The following PSMD1 variants were observed in gnomAD, a reference collection of about 807,000 sequenced individuals.
PSMD1 encodes the protein proteasome 26S subunit, non-ATPase 1.
A neutral mutation model predicts 119.0 loss-of-function variants in PSMD1; 18 were observed. The ratio of observed to expected loss-of-function variants is 0.15; its 90% CI spans 0.10 to 0.22. The LOEUF (loss-of-function observed/expected upper bound fraction) is 0.22, where lower values mean the gene tolerates loss of function less well. Among genes scored for constraint, PSMD1 ranks in the 10% least tolerant of loss-of-function variants. PSMD1 has a pLI of 1.00. For missense variants in PSMD1, 702 were observed against 1,158.5 expected (o/e 0.61, Z 5.72); for synonymous variants, 374 against 396.6 (o/e 0.94, Z 0.68).
rs1349824818 is a variant in PSMD1, at chr2:231,062,152, T to G, written c.61-96T>G. 3 of 758,176 alleles carry G rather than the reference T, an allele frequency of 4.0e-6. No individual in the cohort carries two copies. The African/African-American group carries it at 5.3e-5, about 13-fold the overall frequency. The allele number at this position is 758,176 out of a possible 1,614,324, so 47.0% of individuals were successfully genotyped here. A position where few individuals can be genotyped will look rare whatever the true frequency, so the allele number is the denominator to read the frequency against. On this transcript the variant is annotated intron_variant, in intron 2 of 24. Transcript: ENST00000308696. ...ATAGAGTAAAAGTTTGAGTAAATATTACTGAGGATTTGATCATTGATTTGC... is the reference window on the plus strand; with the variant it reads ...ATAGAGTAAAAGTTTGAGTAAATATGACTGAGGATTTGATCATTGATTTGC...
intron 18 of PSMD1, among the ~76,000 whole-genome samples, chr2:231,151,802 A>ATTT (rs1559251249): frequency 7.5e-6 from 1 of 133,126 alleles, no homozygotes; most frequent in Non-Finnish European, 1.6e-5. Context: ...CAAACATGAG[A>ATTT]ATTTTTTTTT....
chr2:231,088,666 G>A (rs1364696901), intron 16 of PSMD1, among the ~76,000 whole-genome samples: 1 of 152,134 alleles, frequency 6.6e-6, no homozygotes, highest in Non-Finnish European at 1.5e-5. Flanking sequence ...TCCACACACC[G>A]ATCATTCCTC....
At chr2:231,159,905 G>T (rs139757515) in intron 19 of PSMD1, among the ~76,000 whole-genome samples, 1 of 152,196 alleles carries the variant, frequency 6.6e-6, no homozygotes, top group Non-Finnish European at 1.5e-5. Context: ...GATCCCTCGC[G>T]TGCGCGGTTC....
intron 1 of PSMD1, 26 bp downstream of exon 1, chr2:231,057,067 TGGAG>T: frequency 6.0e-6 from 9 of 1,501,318 alleles, no homozygotes; most frequent in Non-Finnish European, 8.0e-6. Flanking sequence ...AGCCAGCGCC[TGGAG>T]GGAGGAGCCG....
At chr2:231,101,847 G>T (rs1694875427) in intron 16 of PSMD1, among the ~76,000 whole-genome samples, 1 of 152,158 alleles carries the variant, frequency 6.6e-6, no homozygotes, top group South Asian at 2.1e-4. Context: ...AATACAGAGG[G>T]TCTTCCTCTG....
chr2:231,108,751 T>G (rs376620755), intron 16 of PSMD1: 178 of 1,614,060 alleles, frequency 1.1e-4, no homozygotes, highest in Non-Finnish European at 1.5e-4. Flanking sequence ...GAGTTTTTAC[T>G]GACTTTGTGG....
chr2:231,069,572 T>C (rs1477333019), intron 5 of PSMD1, among the ~76,000 whole-genome samples: 1 of 152,202 alleles, frequency 6.6e-6, no homozygotes, highest in Non-Finnish European at 1.5e-5. Context: ...CAGTACTCAA[T>C]GCTTGAGTCA....
intron 19 of PSMD1, among the ~76,000 whole-genome samples, chr2:231,156,495 C>T (rs1324217213): frequency 1.3e-5 from 2 of 152,048 alleles, no homozygotes; most frequent in East Asian, 3.9e-4. Context: ...TGTGCTTAAC[C>T]TATTTATCCC....
Position 231,109,406 on chromosome 2 carries a change from A to G in PSMD1, c.1883+22225A>G, listed in dbSNP as rs748785595. ...CCCTTTAATAGGGACTGGAATGGCA[A>G]TGCCTAAGGAAGAGGAAAACAAGAT... On this transcript the variant is annotated intron_variant, in intron 16 of 24. Coordinates refer to ENST00000308696, the MANE Select transcript of PSMD1 (RefSeq NM_002807.4). 72 of 1,613,544 alleles carry G rather than the reference A, an allele frequency of 4.5e-5. No homozygotes were observed. Among genetic ancestry groups the G allele is most frequent in the Admixed American group, 3.8e-4 (23 of 60,010 alleles).
At chr2:231,091,108 GAGTT>G (rs1413278950) in intron 16 of PSMD1, among the ~76,000 whole-genome samples, 6 of 152,208 alleles carry the variant, frequency 3.9e-5, no homozygotes, top group African/African-American at 1.2e-4. Flanking sequence ...GGGCCGAAGA[GAGTT>G]AGCCGCCTCT....
intron 17 of PSMD1, among the ~76,000 whole-genome samples, chr2:231,142,998 A>T (rs1043465206): frequency 1.1e-4 from 16 of 152,184 alleles, no homozygotes; most frequent in Non-Finnish European, 1.8e-4. Flanking sequence ...GGAATGAAGG[A>T]TACTTGAGAA....
intron 17 of PSMD1, among the ~76,000 whole-genome samples, chr2:231,144,678 T>C (rs1043155981): frequency 1.3e-5 from 2 of 151,436 alleles, no homozygotes; most frequent in African/African-American, 2.4e-5. Context: ...CCTCACAAAG[T>C]GCTGGGATTA....
At chr2:231,130,473 T>A (rs1056401242) in intron 16 of PSMD1, among the ~76,000 whole-genome samples, 1 of 152,118 alleles carries the variant, frequency 6.6e-6, no homozygotes, top group Non-Finnish European at 1.5e-5. Flanking sequence ...CGTTGTTTTG[T>A]TTTGTTTTGT....
rs1404778707 is a variant in PSMD1 at position 231,077,051 on chromosome 2, C to T, written c.960C>T (p.Asp320=). Reference sequence around the variant, plus strand: ...TTTGGCAGAGTCCAGAGCCTAAGGACCAGACTTTGAAAATGATTAAAATTT... The same window carrying T: ...TTTGGCAGAGTCCAGAGCCTAAGGATCAGACTTTGAAAATGATTAAAATTT... ...KTPEASPEPK[D]QTLKMIKILS... The change falls in exon 9 of 25, where the codon GAC becomes GAT. Residue 320 remains aspartate, a synonymous_variant. Transcript: ENST00000308696. The T allele has an allele frequency of 6.2e-7, 1 of 1,602,208 alleles. No individual in the cohort carries two copies. Among genetic ancestry groups the T allele is most frequent in the African/African-American group, 1.4e-5 (1 of 73,932 alleles).
chr2:231,072,364 C>A lies in PSMD1; in HGVS notation c.830C>A (p.Ser277Tyr). ...NLRTVGTPIA[S>Y]VPGSTNTGTV... ...CGAACTGTTGGCACCCCTATTGCTT[C>A]TGTGCCTGGATCCACTAATACGGGT... Residue 277 changes from serine to tyrosine, a missense_variant, in exon 7 of 25, where the codon TCT becomes TAT. Coordinates refer to ENST00000308696, the MANE Select transcript of PSMD1 (RefSeq NM_002807.4). The A allele has an allele frequency of 1.9e-6, 3 of 1,614,074 alleles. No homozygotes were observed. The highest frequency in any genetic ancestry group is 2.2e-5 in the East Asian group (1 of 44,868).
intron 16 of PSMD1, among the ~76,000 whole-genome samples, chr2:231,128,323 A>G (rs1559243242): frequency 6.6e-6 from 1 of 152,256 alleles, no homozygotes; most frequent in South Asian, 2.1e-4. Context: ...TAGTACAGAT[A>G]AGGTAGAACT....
At position 231,131,687 on chromosome 2, in the gene PSMD1, G is replaced by A. The variant is rs1330088971; in HGVS notation, c.1884-7049G>A. Among the ~76,000 whole-genome samples, 5 of 55,502 alleles carry A rather than the reference G, an allele frequency of 9.0e-5. 2 individuals are homozygous for A. The highest frequency in any genetic ancestry group is 5.9e-4 in the African/African-American group (2 of 3,404). The allele number at this position is 55,502 out of a possible 152,430, so 36.4% of individuals were successfully genotyped here. A position where few individuals can be genotyped will look rare whatever the true frequency, so the allele number is the denominator to read the frequency against. On this transcript the variant is annotated intron_variant, in intron 16 of 24. Coordinates refer to ENST00000308696, the MANE Select transcript of PSMD1 (RefSeq NM_002807.4). Reference sequence around the variant, plus strand: ...TGAGGCAGGAGAATGGCGTGAACCCGGGAGGCGGAGCTTGCAGTGAGCCGA... The same window carrying A: ...TGAGGCAGGAGAATGGCGTGAACCCAGGAGGCGGAGCTTGCAGTGAGCCGA...
At chr2:231,133,898 C>T (rs1479088184) in intron 16 of PSMD1, among the ~76,000 whole-genome samples, 1 of 152,166 alleles carries the variant, frequency 6.6e-6, no homozygotes, top group East Asian at 1.9e-4. Context: ...ATGGCAGTGA[C>T]TTATGCATAT....
intron 16 of PSMD1, among the ~76,000 whole-genome samples, chr2:231,117,632 A>G (rs1396848113): frequency 6.6e-6 from 1 of 152,152 alleles, no homozygotes; most frequent in Non-Finnish European, 1.5e-5. Context: ...AAATTCTGCC[A>G]TGCATGAGGG....
Sources: gnomAD v4.1 joint callset for allele counts (sites outside exome capture counted in the v4.1 genomes callset) on GRCh38, gnomAD v4.1.1 for gene constraint, MANE v1.5 for transcripts, NCBI Gene and HGNC (gene_info 2026-07-23, HGNC 2026-07-21) for gene names.